The following ZNF316 variants were observed in gnomAD, a reference collection of about 807,000 sequenced individuals.
ZNF316 encodes zinc finger protein 316.
A neutral mutation model predicts 75.6 loss-of-function variants in ZNF316; 23 were observed. That is an observed-to-expected ratio of 0.30 (90% CI 0.22 to 0.43). The LOEUF (loss-of-function observed/expected upper bound fraction) is 0.43. Among genes scored for constraint, ZNF316 ranks in the 20% least tolerant of loss-of-function variants. The pLI is 1.00. For synonymous variants in ZNF316, 827 were observed against 666.2 expected (o/e 1.24, Z -3.72); for missense variants, 1,266 against 1,409.4 (o/e 0.90, Z 1.63).
chr7:6,644,995 C>G (rs1413586273), intron 8 of ZNF316, among the ~76,000 whole-genome samples: 1 of 150,058 alleles, frequency 6.7e-6, no homozygotes, highest in South Asian at 2.1e-4. Flanking sequence ...GGAAAAGGCT[C>G]CCCCCAGCTC....
rs1403876793 is a variant in ZNF316, at chr7:6,637,636, C to T, written c.-431+189C>T. Among the ~76,000 whole-genome samples, 3 of 150,306 alleles carry T rather than the reference C, an allele frequency of 2.0e-5. No homozygotes were observed. The highest frequency in any genetic ancestry group is 3.0e-5 in the Non-Finnish European group (2 of 67,482). On this transcript the variant is annotated intron_variant, in intron 1 of 8. Coordinates refer to ENST00000382252, the MANE Select transcript of ZNF316 (RefSeq NM_001278559.2). This position sits in a 1 kb window ranked among gnomAD's most constrained non-coding sequence, Gnocchi z 6.2. ...AGCGGAACGCGGGTAGGGACTTCCG[C>T]GGCAGCGCCCCCGCCTCCCGGACCC...
rs75201292 is a variant in ZNF316, at chr7:6,658,220, A to G, written c.*3609A>G. ...TTTTTCTTTCTCTAATTGGCTACAT[A>G]TGGAATAAAGTATTTTGAATTACTG... is the stretch of plus-strand genomic sequence containing the variant. On this transcript the variant is annotated 3_prime_UTR_variant, in exon 9 of 9. Coordinates refer to ENST00000382252, the MANE Select transcript of ZNF316 (RefSeq NM_001278559.2). Among the ~76,000 whole-genome samples, 3,035 of 152,078 alleles carry G rather than the reference A, an allele frequency of 0.02. 51 individuals carry two copies. The highest frequency in any genetic ancestry group is 0.052 in the East Asian group (268 of 5,190).
chr7:6,650,389 T>C (rs970591914), intron 8 of ZNF316, among the ~76,000 whole-genome samples: 1 of 152,222 alleles, frequency 6.6e-6, no homozygotes, highest in Non-Finnish European at 1.5e-5. Context: ...TTTACTATGA[T>C]AGTAAACCGA....
In ZNF316 at chr7:6,653,042, C is replaced by T. The variant is rs1432220516; in HGVS notation, c.1446C>T (p.Asp482=). ...LARHQAVHTA[D]RPHCCPDCGQ... ...GGCACCAGGCGGTGCACACGGCCGA[C>T]CGCCCGCACTGCTGTCCCGACTGCG... The change falls in exon 9 of 9, where the codon GAC becomes GAT. Residue 482 remains aspartate, a synonymous_variant. Coordinates refer to ENST00000382252, the MANE Select transcript of ZNF316 (RefSeq NM_001278559.2). 3.3e-6 allele frequency: 4 copies of T among 1,219,212 alleles called. No individual in the cohort carries two copies. The highest frequency in any genetic ancestry group is 4.3e-5 in the Admixed American group (1 of 23,198). The allele number at this position is 1,219,212 out of a possible 1,614,324, so 75.5% of individuals were successfully genotyped here. A position where few individuals can be genotyped will look rare whatever the true frequency, so the allele number is the denominator to read the frequency against.
In ZNF316 at chr7:6,652,304, A is replaced by T; in HGVS notation, c.708A>T (p.Gly236=). ...EGDIVTGVYT[G]AWFWTDDIED... ...CTGGCCTGCCTTTGTCACCTTCAGG[A>T]GCCTGGTTCTGGACGGACGACATAG... The change falls in exon 9 of 9, where the codon GGA becomes GGT. Residue 236 remains glycine (G), a splice_region_variant and synonymous_variant. Coordinates refer to ENST00000382252, the MANE Select transcript of ZNF316 (RefSeq NM_001278559.2). 8.1e-7 allele frequency: 1 copy of T among 1,232,168 alleles called. No homozygotes were observed. Among genetic ancestry groups the T allele is most frequent in the Non-Finnish European group, 1.0e-6 (1 of 988,034 alleles). The allele number at this position is 1,232,168 out of a possible 1,614,324, so 76.3% of individuals were successfully genotyped here.
Position 6,641,372 on chromosome 7 carries a change from C to T in ZNF316, c.-166-453C>T, listed in dbSNP as rs567340376. On this transcript the variant is annotated intron_variant, in intron 3 of 8. Coordinates refer to ENST00000382252, the MANE Select transcript of ZNF316 (RefSeq NM_001278559.2). ...GATGGTGTGTGTCCTGGGTAATGGG[C>T]CCGGTCTCAGGTTTATACCCAGAAA... is the stretch of plus-strand genomic sequence containing the variant. Among the ~76,000 whole-genome samples the T allele has an allele frequency of 2.6e-5, 4 of 152,314 alleles. No homozygotes were observed. In the East Asian group the frequency reaches 5.8e-4, roughly 22 times the overall value.
At position 6,654,519 on chromosome 7, in the gene ZNF316, C is replaced by T. The variant is rs1175821475; in HGVS notation, c.2923C>T (p.Leu975=). The stretch of plus-strand genomic sequence containing the variant: ...CGGCCCCGGTGAGCGCGGCAGCGCC[C>T]TGCTGGAGTTCGCGGGCGGCACAAG... ...SAGPGERGSA[L]LEFAGGTSFG... is the part of the protein sequence containing the mutation. Residue 975 remains leucine, a synonymous_variant, in exon 9 of 9, where the codon CTG becomes TTG. Transcript: ENST00000382252. 2.7e-5 allele frequency: 32 copies of T among 1,177,668 alleles called. No individual in the cohort carries two copies. In the South Asian group the frequency reaches 4.6e-4, roughly 17 times the overall value. 73.0% of individuals were successfully genotyped at this position (1,177,668 alleles called of 1,614,324 possible).
In ZNF316 at chr7:6,637,564, G is replaced by T. The variant is rs1350677809; in HGVS notation, c.-431+117G>T. ...GCCGGGCTGGCCCTCGACGCCCGGC[G>T]CGGGGAGGCCGCGGGGAGGCGGCGG... On this transcript the variant is annotated intron_variant, in intron 1 of 8. Transcript: ENST00000382252. This position sits in a 1 kb window ranked among gnomAD's most constrained non-coding sequence, Gnocchi z 6.2. 2.7e-5 allele frequency: 4 copies of T among 147,850 alleles called. No individual in the cohort carries two copies. Among genetic ancestry groups the T allele is most frequent in the Non-Finnish European group, 4.5e-5 (3 of 66,170 alleles). The allele number at this position is 147,850 out of a possible 1,614,324, so 9.2% of individuals were successfully genotyped here.
rs973819628 is a variant in ZNF316 at position 6,640,194 on chromosome 7, C to T, written c.-167+1053C>T. Among the ~76,000 whole-genome samples the T allele has an allele frequency of 2.0e-5, 3 of 152,122 alleles. No homozygotes were observed. Among genetic ancestry groups the T allele is most frequent in the African/African-American group, 7.2e-5 (3 of 41,408 alleles). ...CAAAGCAGTTCAGGAAATGAGTACG[C>T]GCGGCTGCTATGGTTTGGGTGTTTG... On this transcript the variant is annotated intron_variant, in intron 3 of 8. Coordinates refer to ENST00000382252, the MANE Select transcript of ZNF316 (RefSeq NM_001278559.2). This position sits in a 1 kb window ranked among gnomAD's most constrained non-coding sequence, Gnocchi z 5.1.
At chr7:6,644,652 C>T (rs967789725) in intron 8 of ZNF316, 59 bp downstream of exon 8, 2 of 1,041,074 alleles carry the variant, frequency 1.9e-6, no homozygotes, top group Non-Finnish European at 1.2e-6. Context: ...TGTTGTCAAA[C>T]TTTGGCCTTC....
In ZNF316 at chr7:6,653,918, G is replaced by T. The variant is rs960114750; in HGVS notation, c.2322G>T (p.Pro774=). The change falls in exon 9 of 9, where the codon CCG becomes CCT. Residue 774 remains proline, a synonymous_variant. Coordinates refer to ENST00000382252, the MANE Select transcript of ZNF316 (RefSeq NM_001278559.2). Reference sequence around the variant, plus strand: ...TGCGCGGCCACACGGGCGAGAAGCCGTTCGTGTGCGGCGTGTGCGGTGCGG... The same window carrying T: ...TGCGCGGCCACACGGGCGAGAAGCCTTTCGTGTGCGGCGTGTGCGGTGCGG... The part of the protein sequence containing the change: ...AHVRGHTGEK[P]FVCGVCGAGF... 7 of 1,131,460 alleles carry T rather than the reference G, an allele frequency of 6.2e-6. No individual in the cohort carries two copies. Among genetic ancestry groups the T allele is most frequent in the Non-Finnish European group, 7.6e-6 (7 of 925,266 alleles). 70.1% of individuals were successfully genotyped at this position (1,131,460 alleles called of 1,614,324 possible).
chr7:6,651,315 A>G (rs1412681408), intron 8 of ZNF316, among the ~76,000 whole-genome samples: 3 of 151,158 alleles, frequency 2.0e-5, no homozygotes, highest in Non-Finnish European at 4.4e-5. Flanking sequence ...CGGCCATTGC[A>G]CTCCAGCCTG....
rs1303028395 is a variant in ZNF316 at position 6,654,319 on chromosome 7, C to T, written c.2723C>T (p.Thr908Ile). Reference sequence around the variant, plus strand: ...TCGGTGCTGGTCACGCACCAGCGCACACATACGGGCGAGCGGCCCTACGCC... The same window carrying T: ...TCGGTGCTGGTCACGCACCAGCGCATACATACGGGCGAGCGGCCCTACGCC... ...QRSVLVTHQR[T>I]HTGERPYACA... Residue 908 changes from threonine (T) to isoleucine (I), a missense_variant, in exon 9 of 9, where the codon ACA becomes ATA. Around this residue, in one of 3 missense-constraint regions of ZNF316, gnomAD observed 194 missense variants for 319.2 expected, o/e 0.61. Transcript: ENST00000382252. 2 of 1,223,562 alleles carry T rather than the reference C, an allele frequency of 1.6e-6. No individual in the cohort carries two copies. Among genetic ancestry groups the T allele is most frequent in the African/African-American group, 1.6e-5 (1 of 63,910 alleles). The allele number at this position is 1,223,562 out of a possible 1,614,324, so 75.8% of individuals were successfully genotyped here. A position where few individuals can be genotyped will look rare whatever the true frequency, so the allele number is the denominator to read the frequency against.
intron 8 of ZNF316, among the ~76,000 whole-genome samples, chr7:6,651,590 G>A (rs1661058524): frequency 6.6e-6 from 1 of 152,202 alleles, no homozygotes; most frequent in South Asian, 2.1e-4. Context: ...GGGAGGTGGA[G>A]GTTGCAGTGA....
Position 6,654,269 on chromosome 7 carries a change from G to C in ZNF316, c.2673G>C (p.Glu891Asp). 8.2e-7 allele frequency: 1 copy of C among 1,223,864 alleles called. No homozygotes were observed. The allele number at this position is 1,223,864 out of a possible 1,614,324, so 75.8% of individuals were successfully genotyped here. A position where few individuals can be genotyped will look rare whatever the true frequency, so the allele number is the denominator to read the frequency against. The change falls in exon 9 of 9, where the codon GAG becomes GAC. Residue 891 changes from glutamate (E) to aspartate (D), a missense_variant. Glu to Asp is a conservative substitution (Grantham distance 45). Transcript: ENST00000382252. ...HTGERPFPCP[E>D]CGKRFSQRSV... ...GCGAACGCCCCTTCCCGTGCCCTGA[G>C]TGCGGCAAGCGCTTTTCGCAGCGCT...
At chr7:6,644,339 G>T (rs1583441474) in intron 7 of ZNF316, 141 bp from the exon 8 acceptor site, 1 of 429,274 alleles carries the variant, frequency 2.3e-6, no homozygotes, top group South Asian at 1.3e-4. Context: ...GGACCGCCTG[G>T]ACCCTCCAGA....
chr7:6,652,763 C>G lies in ZNF316; in HGVS notation c.1167C>G (p.Ala389=), dbSNP rs1779533689. The stretch of plus-strand genomic sequence containing the variant: ...GCTTCGTGTACCGCTCGCACTTGGC[C>G]ATCCACCAGCGCACGCACACCGGCG... ...GKGFVYRSHL[A]IHQRTHTGEK... Residue 389 remains alanine (A), a synonymous_variant, in exon 9 of 9, where the codon GCC becomes GCG. Coordinates refer to ENST00000382252, the MANE Select transcript of ZNF316 (RefSeq NM_001278559.2). The G allele has an allele frequency of 7.9e-7, 1 of 1,268,422 alleles. No homozygotes were observed. Among genetic ancestry groups the G allele is most frequent in the Non-Finnish European group, 9.9e-7 (1 of 1,006,590 alleles). 78.6% of individuals were successfully genotyped at this position (1,268,422 alleles called of 1,614,324 possible).
In ZNF316 at chr7:6,654,008, G is replaced by T; in HGVS notation, c.2412G>T (p.Ala804=). The T allele has an allele frequency of 3.4e-6, 4 of 1,188,102 alleles. No homozygotes were observed. Among genetic ancestry groups the T allele is most frequent in the South Asian group, 4.1e-5 (1 of 24,196 alleles). The allele number at this position is 1,188,102 out of a possible 1,614,324, so 73.6% of individuals were successfully genotyped here. A position where few individuals can be genotyped will look rare whatever the true frequency, so the allele number is the denominator to read the frequency against. ...CGCACACCGGGGAGCGGCCTTACGC[G>T]TGTGGAGAGTGCGGCCGGCGCTTCG... ...GRAHTGERPY[A]CGECGRRFGQ... is the part of the protein sequence containing the mutation. The change falls in exon 9 of 9, where the codon GCG becomes GCT. Residue 804 remains alanine, a synonymous_variant. Transcript: ENST00000382252.
Position 6,640,328 on chromosome 7 carries a change from A to G in ZNF316, c.-167+1187A>G, listed in dbSNP as rs1779289228. Among the ~76,000 whole-genome samples the G allele has an allele frequency of 6.6e-6, 1 of 152,192 alleles. No homozygotes were observed. On this transcript the variant is annotated intron_variant, in intron 3 of 8. Coordinates refer to ENST00000382252, the MANE Select transcript of ZNF316 (RefSeq NM_001278559.2). This position sits in a 1 kb window ranked among gnomAD's most constrained non-coding sequence, Gnocchi z 5.1. ...TGGTTCTGCAGGCTGTACAGGAAGC[A>G]TGGTGCTGGCATCTGCCTGGCTTCT...
Sources: allele counts gnomAD v4.1 joint callset (sites outside exome capture counted in the v4.1 genomes callset), GRCh38; gene constraint gnomAD v4.1.1; regional missense constraint gnomAD v4.1.1; non-coding constraint Gnocchi (gnomAD v3.1); transcripts MANE v1.5; gene names NCBI Gene and HGNC (gene_info 2026-07-23, HGNC 2026-07-21).